The following ESR1 variants were observed in gnomAD, a reference collection of about 807,000 sequenced individuals.
ESR1 encodes the protein estrogen receptor 1.
ESR1 carries 12 observed loss-of-function variants against 52.7 expected under a neutral mutation model. The observed-to-expected ratio is 0.23, with a 90% CI of 0.15 to 0.37. The LOEUF (loss-of-function observed/expected upper bound fraction) is 0.37. Among genes scored for constraint, ESR1 ranks in the 10% least tolerant of loss-of-function variants. The pLI, the probability that ESR1 is intolerant of heterozygous loss-of-function variation, is 1.00. For missense variants in ESR1, 584 were observed against 779.7 expected, an observed-to-expected ratio of 0.75 and a Z score of 2.99; for synonymous variants, 305 against 316.8, an observed-to-expected ratio of 0.96 and a Z score of 0.39.
intron 5 of ESR1, among the ~76,000 whole-genome samples, chr6:152,033,035 T>C (rs918515395): frequency 1.3e-5 from 2 of 152,110 alleles, no homozygotes; most frequent in South Asian, 2.1e-4. Context: ...AAACAAGAAA[T>C]GGGGAAAGGA....
At chr6:151,780,735 T>C (rs945332355) in intron 2 of ESR1, among the ~76,000 whole-genome samples, 4 of 152,218 alleles carry the variant, frequency 2.6e-5, no homozygotes, top group Non-Finnish European at 4.4e-5. Flanking sequence ...GATCAGTCCA[T>C]TGATTCTCCT....
At chr6:151,766,443 T>G (rs775042218) in intron 2 of ESR1, among the ~76,000 whole-genome samples, 4 of 151,880 alleles carry the variant, frequency 2.6e-5, no homozygotes, top group Non-Finnish European at 4.4e-5. Context: ...ATTGCACCAC[T>G]GCACTCCAAC....
At chr6:151,902,202 A>G (rs575335736) in intron 3 of ESR1, among the ~76,000 whole-genome samples, 9 of 152,304 alleles carry the variant, frequency 5.9e-5, no homozygotes, top group African/African-American at 1.7e-4. Context: ...TTCACAAAAA[A>G]TAGGACCAAA....
intron 2 of ESR1, among the ~76,000 whole-genome samples, chr6:151,781,273 G>A (rs1786515853): frequency 6.6e-6 from 1 of 152,214 alleles, no homozygotes. Flanking sequence ...TGGAAAGTCT[G>A]ATATCAAGGT....
At chr6:151,744,183 C>T (rs1186422627) in intron 2 of ESR1, among the ~76,000 whole-genome samples, 1 of 152,102 alleles carries the variant, frequency 6.6e-6, no homozygotes, top group African/African-American at 2.4e-5. Flanking sequence ...CACTTTTTGG[C>T]TATGTGCAAA....
chr6:151,995,095 AGCCACTGTGAAGTCATGGGTCCCTT>A (rs1562645745), intron 4 of ESR1, among the ~76,000 whole-genome samples: 1 of 152,142 alleles, frequency 6.6e-6, no homozygotes, highest in African/African-American at 2.4e-5. Context: ...CACACTCAGC[AGCCACTGTGAAGTCATGGGTCCCTT>A]GCTACCTTTG....
upstream of ESR1, among the ~76,000 whole-genome samples, chr6:151,804,276 T>G (rs1203573331): frequency 6.6e-6 from 1 of 152,206 alleles, no homozygotes; most frequent in African/African-American, 2.4e-5. Flanking sequence ...TGATTGTAAG[T>G]CTCTGAACAA....
At chr6:151,875,019 A>G (rs550002971) in intron 2 of ESR1, among the ~76,000 whole-genome samples, 17 of 152,378 alleles carry the variant, frequency 1.1e-4, no homozygotes, top group African/African-American at 4.1e-4. Context: ...AAACATTTCT[A>G]TATAAAACAA....
chr6:151,725,110 C>G (rs1277603661), intron 2 of ESR1, among the ~76,000 whole-genome samples: 1 of 152,154 alleles, frequency 6.6e-6, no homozygotes, highest in African/African-American at 2.4e-5. Context: ...CCACGGAATA[C>G]TTTCTACTGT....
chr6:151,878,897 G>C (rs1792306370), intron 2 of ESR1, among the ~76,000 whole-genome samples: 1 of 152,132 alleles, frequency 6.6e-6, no homozygotes, highest in South Asian at 2.1e-4. Flanking sequence ...GGATGGAGGT[G>C]ACTTCTAAAT....
chr6:152,101,735 G>T lies in ESR1; in HGVS notation c.*2769G>T. On this transcript the variant is annotated 3_prime_UTR_variant, in exon 8 of 8. Coordinates refer to ENST00000206249, the MANE Select transcript of ESR1 (RefSeq NM_000125.4). Reference sequence around the variant, plus strand: ...TGATTTATCTGGGGGGCTCAGGTATGGTGGGGAAGTGGATTCAGGAATCTG... The same window carrying T: ...TGATTTATCTGGGGGGCTCAGGTATTGTGGGGAAGTGGATTCAGGAATCTG... 1 of 230,696 alleles carries T rather than the reference G, an allele frequency of 4.3e-6. No individual in the cohort carries two copies. The highest frequency in any genetic ancestry group is 8.6e-6 in the Non-Finnish European group (1 of 116,510). The allele number at this position is 230,696 out of a possible 1,614,324, so 14.3% of individuals were successfully genotyped here.
At chr6:151,689,922 A>T (rs1027727466), upstream of ESR1, among the ~76,000 whole-genome samples, 2 of 152,122 alleles carry the variant, frequency 1.3e-5, no homozygotes, top group African/African-American at 2.4e-5. Flanking sequence ...AGTGTTAAAC[A>T]AACAATCAAT....
intron 3 of ESR1, among the ~76,000 whole-genome samples, chr6:151,911,110 A>C (rs1209318455): frequency 6.6e-6 from 1 of 152,192 alleles, no homozygotes; most frequent in East Asian, 1.9e-4. Context: ...TGTGTGGCCC[A>C]GTTCCTAACA....
chr6:151,870,723 T>A (rs1291282668), intron 2 of ESR1, among the ~76,000 whole-genome samples: 1 of 152,202 alleles, frequency 6.6e-6, no homozygotes, highest in African/African-American at 2.4e-5. Flanking sequence ...ATGGGAAGCA[T>A]GTGGGTTCTG....
Position 151,807,912 on chromosome 6 carries a change from C to T in ESR1, c.-1C>T, listed in dbSNP as rs1211466389. On this transcript the variant is annotated 5_prime_UTR_variant, in exon 1 of 8. Transcript: ENST00000206249. The stretch of plus-strand genomic sequence containing the variant: ...CTGCACCCTGCCCGCGGCCACGGAC[C>T]ATGACCATGACCCTCCACACCAAAG... 6.2e-7 allele frequency: 1 copy of T among 1,613,430 alleles called. No individual in the cohort carries two copies.
intron 3 of ESR1, among the ~76,000 whole-genome samples, chr6:151,880,979 A>G (rs957372147): frequency 2.0e-5 from 3 of 152,208 alleles, no homozygotes; most frequent in Non-Finnish European, 4.4e-5. Context: ...AAATTCTAAC[A>G]TGGCATTTTG....
At chr6:151,716,539 G>A (rs1260669706) in intron 2 of ESR1, among the ~76,000 whole-genome samples, 1 of 152,226 alleles carries the variant, frequency 6.6e-6, no homozygotes, top group South Asian at 2.1e-4. Flanking sequence ...CCAGAGAGCA[G>A]GAATCTAGAG....
rs886061189 is a variant in ESR1, at chr6:152,122,003, T to C, written c.851-3263T>C. On this transcript the variant is annotated intron_variant, in intron 6 of 6. Transcript: ENST00000427531. ...CAAGGTTCTAAAATCTCTTCAGCACTGGTTGGTTGGTAGATTGTACGACAC... is the reference window on the plus strand; with the variant it reads ...CAAGGTTCTAAAATCTCTTCAGCACCGGTTGGTTGGTAGATTGTACGACAC... The C allele has an allele frequency of 2.5e-4, 55 of 221,240 alleles. No individual in the cohort carries two copies. The highest frequency in any genetic ancestry group is 1.0e-4 in the Admixed American group (2 of 19,328). 13.7% of individuals were successfully genotyped at this position (221,240 alleles called of 1,614,324 possible).
intron 2 of ESR1, among the ~76,000 whole-genome samples, chr6:151,724,412 A>G (rs927695973): frequency 1.3e-5 from 2 of 152,156 alleles, no homozygotes; most frequent in African/African-American, 4.8e-5. Context: ...GAGGAAACTA[A>G]TAAGTCCAAG....
Sources: allele counts gnomAD v4.1 joint callset (sites outside exome capture counted in the v4.1 genomes callset), GRCh38; gene constraint gnomAD v4.1.1; transcripts MANE v1.5; gene names NCBI Gene and HGNC (gene_info 2026-07-23, HGNC 2026-07-21).